The following ADSS2 variants were observed in gnomAD, a reference collection of about 807,000 sequenced individuals.
ADSS2 encodes the protein adenylosuccinate synthetase isozyme 2.
In ADSS2, 30 loss-of-function variants were observed where a neutral mutation model predicts 60.0. The observed-to-expected ratio is 0.50, with a 90% CI of 0.37 to 0.68. The LOEUF is 0.68. ADSS2 is among the 30% of genes least tolerant of loss of function. The pLI is 0.00. For missense variants in ADSS2, 373 were observed against 554.8 expected (o/e 0.67, Z 3.29); for synonymous variants, 187 against 193.1 (o/e 0.97, Z 0.26).
chr1:244,437,827 T>G, intron 1 of ADSS2, 59 bp from the exon 2 acceptor site: 2 of 1,284,554 alleles, frequency 1.6e-6, no homozygotes, highest in Non-Finnish European at 2.3e-6. Flanking sequence ...ATAACCTATC[T>G]CCCTCCAAAG....
intron 8 of ADSS2, among the ~76,000 whole-genome samples, chr1:244,419,637 T>C (rs1419303791): frequency 6.6e-6 from 1 of 152,128 alleles, no homozygotes; most frequent in Non-Finnish European, 1.5e-5. Context: ...AGACTAATCA[T>C]GAGAAATCAT....
intron 8 of ADSS2, 40 bp downstream of exon 8, chr1:244,420,130 T>TTAAG: frequency 6.3e-7 from 1 of 1,578,356 alleles, no homozygotes; most frequent in Non-Finnish European, 8.6e-7. Context: ...TACTTAGGGC[T>TTAAG]CAGTTAAGCT....
intron 3 of ADSS2, among the ~76,000 whole-genome samples, chr1:244,434,081 G>T (rs1249373072): frequency 1.3e-5 from 2 of 151,306 alleles, no homozygotes; most frequent in Non-Finnish European, 2.9e-5. Context: ...GAGAGCAGTG[G>T]CCTATAATCC....
Position 244,417,742 on chromosome 1 carries a change from T to C in ADSS2, c.956A>G (p.Glu319Gly). 6.2e-7 allele frequency: 1 copy of C among 1,613,342 alleles called. No homozygotes were observed. Among genetic ancestry groups the C allele is most frequent in the Non-Finnish European group, 8.5e-7 (1 of 1,179,470 alleles). Reference protein sequence around the residue: ...FPTEQDNEIGELLQTRGREFG... With the variant: ...FPTEQDNEIGGLLQTRGREFG... The stretch of plus-strand genomic sequence containing the variant: ...CTCTCTACCCCTTGTTTGTAATAAT[T>C]CTCCAATTTCCTACAGAACAGAAAA... The change falls in exon 10 of 13, where the codon GAA becomes GGA. Residue 319 changes from glutamate to glycine, a missense_variant. By Grantham distance (98) the Glu-to-Gly change is moderately conservative (BLOSUM62 -2). Around this residue, in one of 5 missense-constraint regions of ADSS2, gnomAD observed 130 missense variants for 169.4 expected, o/e 0.77. Transcript: ENST00000366535.
In ADSS2 at chr1:244,451,834, G is replaced by A. The variant is rs755880683; in HGVS notation, c.-17C>T. On this transcript the variant is annotated 5_prime_UTR_variant, in exon 1 of 13. Transcript: ENST00000366535. The surrounding 1 kb of genome is among the most constrained non-coding windows in gnomAD (Gnocchi z 6.6). ...GAACGCCATGGCTCCAGTGACGCGA[G>A]GAGAGCCCGAAGGAGAGGCGGCCGG... 1.9e-6 allele frequency: 3 copies of A among 1,565,358 alleles called. No homozygotes were observed. Among genetic ancestry groups the A allele is most frequent in the Non-Finnish European group, 2.6e-6 (3 of 1,158,760 alleles).
chr1:244,422,799 A>T (rs1440256207), intron 7 of ADSS2, 36 bp downstream of exon 7: 1 of 1,494,052 alleles, frequency 6.7e-7, no homozygotes, highest in Non-Finnish European at 9.3e-7. Context: ...GCAAACAAGT[A>T]TTAAAAAGAA....
At chr1:244,436,931 A>G in intron 2 of ADSS2, 38 bp from the exon 3 acceptor site, 6 of 1,551,080 alleles carry the variant, frequency 3.9e-6, no homozygotes, top group East Asian at 2.3e-5. Flanking sequence ...GTAAACATCT[A>G]TAACTCAGAC....
chr1:244,441,775 T>A (rs538470111), intron 1 of ADSS2, among the ~76,000 whole-genome samples: 8 of 152,002 alleles, frequency 5.3e-5, no homozygotes, highest in Non-Finnish European at 1.2e-4. Flanking sequence ...ACCAACATAA[T>A]GAAACCCCGT....
At position 244,411,196 on chromosome 1, in the gene ADSS2, G is replaced by A. The variant is rs1664405301; in HGVS notation, c.1318+91C>T. The A allele has an allele frequency of 2.4e-5, 32 of 1,344,536 alleles. 1 individual carries two copies. The East Asian group carries it at 7.0e-4, about 29-fold the overall frequency. 83.3% of individuals were successfully genotyped at this position (1,344,536 alleles called of 1,614,324 possible). A position where few individuals can be genotyped will look rare whatever the true frequency, so the allele number is the denominator to read the frequency against. The stretch of plus-strand genomic sequence containing the variant: ...AGATCCCGCCACTGCACTCCAGCCT[G>A]GGACAGAGCGAGACTCCGTCTCAAA... On this transcript the variant is annotated intron_variant, in intron 12 of 12. Coordinates refer to ENST00000366535, the MANE Select transcript of ADSS2 (RefSeq NM_001126.5).
At chr1:244,439,919 T>C (rs945960600) in intron 1 of ADSS2, among the ~76,000 whole-genome samples, 15 of 152,210 alleles carry the variant, frequency 9.9e-5, no homozygotes, top group African/African-American at 3.6e-4. Flanking sequence ...TGCTTTCTAC[T>C]GTGACAAGGG....
intron 4 of ADSS2, chr1:244,424,797 A>G (rs749995465): frequency 1.1e-4 from 20 of 174,934 alleles, no homozygotes; most frequent in Non-Finnish European, 6.1e-5. Flanking sequence ...GCAGTCTCCT[A>G]ATGTGTGTAC....
intron 10 of ADSS2, 36 bp downstream of exon 10, chr1:244,417,592 G>T: frequency 6.2e-7 from 1 of 1,606,068 alleles, no homozygotes; most frequent in South Asian, 1.1e-5. Context: ...AATCATCTAT[G>T]ATTTCCTGAA....
At chr1:244,442,536 A>C (rs918305657) in intron 1 of ADSS2, among the ~76,000 whole-genome samples, 4 of 152,188 alleles carry the variant, frequency 2.6e-5, no homozygotes, top group African/African-American at 9.7e-5. Context: ...ATATACCCAG[A>C]AACACCCGAG....
chr1:244,424,525 AT>A, intron 4 of ADSS2, 138 bp from the exon 5 acceptor site: 2 of 645,198 alleles, frequency 3.1e-6, no homozygotes, highest in South Asian at 4.1e-5. Flanking sequence ...TTTAGAAGTG[AT>A]GATAGAAGTT....
intron 8 of ADSS2, 127 bp from the exon 9 acceptor site, chr1:244,419,041 C>T (rs1664614040): frequency 3.6e-6 from 3 of 822,928 alleles, no homozygotes. Flanking sequence ...TGTAACTGCC[C>T]TCTCAAAGAC....
Position 244,418,870 on chromosome 1 carries a change from C to T in ADSS2, c.835G>A (p.Val279Ile). Residue 279 changes from valine to isoleucine, a missense_variant, in exon 9 of 13, where the codon GTT becomes ATT. By Grantham distance (29) the Val-to-Ile change is conservative. Transcript: ENST00000366535. ...GGTGGCATACCCAAACCAGTACAAA[C>T]ACCTCCAACAGTACAATTTGAAGAG... ...VTSSNCTVGG[V>I]CTGLGMPPQN... 1 of 1,613,612 alleles carries T rather than the reference C, an allele frequency of 6.2e-7. No homozygotes were observed.
rs3124057 is a variant in ADSS2 at position 244,437,990 on chromosome 1, G to A, written c.184-222C>T. The stretch of plus-strand genomic sequence containing the variant: ...TTATCCTGAAAGAATATAGAAATTG[G>A]GGAATTCAGGTTTCTGAAAGACAGA... On this transcript the variant is annotated intron_variant, in intron 1 of 12. Transcript: ENST00000366535. 5.0e-3 allele frequency among the ~76,000 whole-genome samples: 766 copies of A among 152,088 alleles called. 6 individuals carry two copies. The highest frequency in any genetic ancestry group is 0.018 in the African/African-American group (734 of 41,508).
intron 3 of ADSS2, among the ~76,000 whole-genome samples, chr1:244,435,168 C>CAAAAAAAAAAAAAAAAAAAAAAAAAAAA (rs60576167): frequency 3.9e-5 from 2 of 51,748 alleles, no homozygotes; most frequent in Admixed American, 3.0e-4. Context: ...ACTCCGTCTC[C>CAAAAAAAAAAAAAAAAAAAAAAAAAAAA]AAAAAAAAAA....
At chr1:244,412,800 C>A (rs1664444737) in intron 11 of ADSS2, among the ~76,000 whole-genome samples, 1 of 152,214 alleles carries the variant, frequency 6.6e-6, no homozygotes, top group Non-Finnish European at 1.5e-5. Flanking sequence ...AGTTGACATA[C>A]TTGAAAATCC....
Sources: allele counts gnomAD v4.1 joint callset (sites outside exome capture counted in the v4.1 genomes callset), GRCh38; gene constraint gnomAD v4.1.1; regional missense constraint gnomAD v4.1.1; non-coding constraint Gnocchi (gnomAD v3.1); transcripts MANE v1.5; gene names NCBI Gene and HGNC (gene_info 2026-07-23, HGNC 2026-07-21).